The following LARP1B variants were observed in gnomAD, a reference collection of about 807,000 sequenced individuals.
LARP1B encodes the protein La ribonucleoprotein 1B.
A neutral mutation model predicts 114.2 loss-of-function variants in LARP1B; 76 were observed. The ratio of observed to expected loss-of-function variants is 0.67; its 90% CI spans 0.55 to 0.81. The LOEUF is 0.81. Ranked by LOEUF, LARP1B falls within the 30% of genes least tolerant of loss-of-function variation. The pLI is 0.00. For missense variants in LARP1B, 1,014 were observed against 1,075.8 expected (o/e 0.94, Z 0.80); for synonymous variants, 345 against 348.0 (o/e 0.99, Z 0.10).
intron 15 of LARP1B, among the ~76,000 whole-genome samples, chr4:128,198,782 A>G (rs1337277273): frequency 6.6e-6 from 1 of 152,216 alleles, no homozygotes; most frequent in African/African-American, 2.4e-5. Flanking sequence ...GGACACTTGG[A>G]AAAACAAAGA....
At chr4:128,179,147 C>T (rs950141821) in intron 14 of LARP1B, among the ~76,000 whole-genome samples, 24 of 152,092 alleles carry the variant, frequency 1.6e-4, no homozygotes, top group Admixed American at 4.6e-4. Flanking sequence ...TAATTAAAGA[C>T]GAACAGAAAG....
At chr4:128,156,313 G>A (rs1735645164) in intron 11 of LARP1B, 2 of 696,262 alleles carry the variant, frequency 2.9e-6, no homozygotes, top group Non-Finnish European at 5.0e-6. Flanking sequence ...TCCAGCAGCT[G>A]CTTCTCCATC....
At chr4:128,151,534 A>G (rs1280424002) in intron 11 of LARP1B, among the ~76,000 whole-genome samples, 4 of 151,886 alleles carry the variant, frequency 2.6e-5, no homozygotes, top group Non-Finnish European at 5.9e-5. Context: ...ATGTTTTTCA[A>G]GAGTTCAGGC....
intron 8 of LARP1B, among the ~76,000 whole-genome samples, 196 bp downstream of exon 8, chr4:128,098,526 C>G (rs140449989): frequency 1.9e-3 from 288 of 151,392 alleles, no homozygotes; most frequent in Non-Finnish European, 3.2e-3. Context: ...GTATTGCTAA[C>G]GATGTTACTG....
At chr4:128,181,891 T>G (rs552822680) in intron 15 of LARP1B, among the ~76,000 whole-genome samples, 1 of 148,334 alleles carries the variant, frequency 6.7e-6, no homozygotes, top group Non-Finnish European at 1.5e-5. Context: ...CTGCAAGCTC[T>G]GCCTCCTGGG....
At chr4:128,163,724 G>T (rs1488330516) in intron 12 of LARP1B, among the ~76,000 whole-genome samples, 2 of 152,088 alleles carry the variant, frequency 1.3e-5, no homozygotes, top group Non-Finnish European at 2.9e-5. Context: ...AATGATCATT[G>T]TGAACTCATA....
rs1313675215 is a variant in LARP1B, at chr4:128,061,730, C to T, written c.-78+329C>T. Reference sequence around the variant, plus strand: ...CGCCCCGATGCCCGCCGCCCATTCTCGGGAGGATCCGCCCGCGGTGACTGC... The same window carrying T: ...CGCCCCGATGCCCGCCGCCCATTCTTGGGAGGATCCGCCCGCGGTGACTGC... On this transcript the variant is annotated intron_variant, in intron 1 of 19. Transcript: ENST00000326639. 3 of 984,974 alleles carry T rather than the reference C, an allele frequency of 3.0e-6. No individual in the cohort carries two copies. In the East Asian group the frequency reaches 3.4e-4, roughly 112 times the overall value. 61.0% of individuals were successfully genotyped at this position (984,974 alleles called of 1,614,324 possible).
At chr4:128,167,047 C>T (rs1005748936) in intron 12 of LARP1B, among the ~76,000 whole-genome samples, 73 of 147,534 alleles carry the variant, frequency 4.9e-4, no homozygotes, top group African/African-American at 1.5e-3. Flanking sequence ...CGTATATATA[C>T]ACACACACAC....
intron 9 of LARP1B, among the ~76,000 whole-genome samples, chr4:128,114,198 T>C (rs1785051382): frequency 6.6e-6 from 1 of 152,212 alleles, no homozygotes; most frequent in African/African-American, 2.4e-5. Flanking sequence ...TAACTATGGC[T>C]TAATAGCAAC....
intron 10 of LARP1B, among the ~76,000 whole-genome samples, chr4:128,116,556 TA>T (rs563536735): frequency 7.9e-5 from 12 of 152,278 alleles, no homozygotes; most frequent in Middle Eastern, 3.4e-3. Context: ...TAGCTGGTTT[TA>T]AAAGTATAAG....
At chr4:128,135,459 T>C (rs964866536) in intron 11 of LARP1B, among the ~76,000 whole-genome samples, 1 of 152,106 alleles carries the variant, frequency 6.6e-6, no homozygotes, top group Non-Finnish European at 1.5e-5. Context: ...CTCTAAGAGG[T>C]ATTTGCGTGT....
chr4:128,161,288 C>G (rs1384546082), intron 11 of LARP1B, among the ~76,000 whole-genome samples: 1 of 152,146 alleles, frequency 6.6e-6, no homozygotes, highest in Non-Finnish European at 1.5e-5. Context: ...AGAATGACCT[C>G]TACCCTCTGT....
At chr4:128,106,133 C>T (rs1580454354) in intron 8 of LARP1B, among the ~76,000 whole-genome samples, 1 of 146,616 alleles carries the variant, frequency 6.8e-6, no homozygotes, top group Non-Finnish European at 1.5e-5. Flanking sequence ...AAGTGATTCT[C>T]CTGCCTCTGC....
At chr4:128,109,029 A>C (rs920889147) in intron 9 of LARP1B, 1 of 166,746 alleles carries the variant, frequency 6.0e-6, no homozygotes, top group Non-Finnish European at 1.2e-5. Flanking sequence ...ATCAGAAACT[A>C]GATGGTTAAT....
At chr4:128,147,315 C>T (rs565261566) in intron 11 of LARP1B, among the ~76,000 whole-genome samples, 1 of 152,136 alleles carries the variant, frequency 6.6e-6, no homozygotes, top group Non-Finnish European at 1.5e-5. Flanking sequence ...AGAGTCTTTC[C>T]CTTTTTCTCA....
chr4:128,074,668 C>T, intron 2 of LARP1B, 150 bp downstream of exon 2: 1 of 321,828 alleles, frequency 3.1e-6, no homozygotes. Context: ...AACCTTTATC[C>T]AAATCTCTAT....
chr4:128,150,513 G>T (rs1210250620), intron 11 of LARP1B, among the ~76,000 whole-genome samples: 1 of 151,990 alleles, frequency 6.6e-6, no homozygotes, highest in African/African-American at 2.4e-5. Context: ...TGCTGGTCTT[G>T]AATTCCTGGC....
intron 5 of LARP1B, among the ~76,000 whole-genome samples, chr4:128,085,857 A>G (rs1006439966): frequency 1.2e-4 from 18 of 152,178 alleles, no homozygotes; most frequent in African/African-American, 3.9e-4. Context: ...GATTGGTCAT[A>G]TAGTAGCTGT....
At chr4:128,093,117 A>G in intron 7 of LARP1B, 1 of 884,654 alleles carries the variant, frequency 1.1e-6, no homozygotes, top group Non-Finnish European at 1.4e-6. Context: ...TTGTTCTAGC[A>G]GTAGGGATTT....
Sources: allele counts gnomAD v4.1 joint callset (sites outside exome capture counted in the v4.1 genomes callset), GRCh38; gene constraint gnomAD v4.1.1; transcripts MANE v1.5; gene names NCBI Gene and HGNC (gene_info 2026-07-23, HGNC 2026-07-21).